The following HSDL2 variants were observed in gnomAD, a reference collection of about 807,000 sequenced individuals.
HSDL2 encodes the protein hydroxysteroid dehydrogenase like 2.
HSDL2 carries 27 observed loss-of-function variants against 46.3 expected under a neutral mutation model. The ratio of observed to expected loss-of-function variants is 0.58; its 90% CI spans 0.43 to 0.80. The LOEUF (loss-of-function observed/expected upper bound fraction) is 0.80, where lower values mean the gene tolerates loss of function less well. Ranked by LOEUF, HSDL2 falls within the 30% of genes least tolerant of loss-of-function variation. The probability of loss-of-function intolerance (pLI) is 0.00; values close to 1 mark genes in which losing one functional copy is unlikely to be tolerated. For synonymous variants in HSDL2, 153 were observed against 163.6 expected, an observed-to-expected ratio of 0.94 and a Z score of 0.50; for missense variants, 451 against 502.7, an observed-to-expected ratio of 0.90 and a Z score of 0.98.
intron 1 of HSDL2, among the ~76,000 whole-genome samples, chr9:112,402,486 A>C (rs887178788): frequency 6.7e-6 from 1 of 149,762 alleles, no homozygotes; most frequent in African/African-American, 2.5e-5. Context: ...TAAGCCCAGG[A>C]GTTCAAGGCT....
intron 9 of HSDL2, 46 bp downstream of exon 9, chr9:112,454,208 G>T: frequency 6.6e-7 from 1 of 1,525,194 alleles, no homozygotes; most frequent in Non-Finnish European, 8.9e-7. Context: ...AAACAAAATG[G>T]GGTGTTTCCT....
chr9:112,453,932 C>A, intron 8 of HSDL2, 81 bp from the exon 9 acceptor site: 1 of 1,288,530 alleles, frequency 7.8e-7, no homozygotes, highest in Non-Finnish European at 1.0e-6. Context: ...GGTGGCAAGT[C>A]TGTCCTGCTG....
intron 6 of HSDL2, among the ~76,000 whole-genome samples, chr9:112,422,090 A>C (rs1339880572): frequency 1.3e-5 from 2 of 152,194 alleles, no homozygotes; most frequent in African/African-American, 4.8e-5. Context: ...GAGACCTCAG[A>C]GACTTCTTCA....
intron 1 of HSDL2, among the ~76,000 whole-genome samples, chr9:112,397,435 C>G (rs1831482221): frequency 6.6e-6 from 1 of 152,164 alleles, no homozygotes; most frequent in African/African-American, 2.4e-5. Context: ...ATGAATTTTT[C>G]AACAGCATCT....
chr9:112,435,106 A>G (rs1832494366), intron 6 of HSDL2, among the ~76,000 whole-genome samples: 1 of 152,060 alleles, frequency 6.6e-6, no homozygotes, highest in South Asian at 2.1e-4. Flanking sequence ...ATCTGTGTTG[A>G]GAAATACTCA....
chr9:112,405,654 G>A lies in HSDL2; in HGVS notation c.212G>A (p.Cys71Tyr). 1.2e-6 allele frequency: 2 copies of A among 1,613,306 alleles called. No homozygotes were observed. Among genetic ancestry groups the A allele is most frequent in the Non-Finnish European group, 1.7e-6 (2 of 1,179,502 alleles). The change falls in exon 3 of 11, where the codon TGT (cysteine) becomes TAT (tyrosine). Residue 71 changes from cysteine (C) to tyrosine (Y), a missense_variant. Physicochemically the swap from Cys to Tyr is radical, Grantham distance 194. Transcript: ENST00000398805. Reference sequence around the variant, plus strand: ...GCAGTTGGAGGAAAGGCCTTGCCATGTATTGTTGATGTGAGAGATGAACAG... The same window carrying A: ...GCAGTTGGAGGAAAGGCCTTGCCATATATTGTTGATGTGAGAGATGAACAG... ...IEAVGGKALPCIVDVRDEQQI... is the reference protein window; with the variant it reads ...IEAVGGKALPYIVDVRDEQQI...
In HSDL2 at chr9:112,470,438, T is replaced by G. The variant is rs753460796; in HGVS notation, c.1151T>G (p.Leu384Arg). Residue 384 changes from leucine to arginine, a missense_variant, in exon 11 of 11, where the codon CTA (leucine) becomes CGA (arginine). Physicochemically the swap from Leu to Arg is moderately radical, Grantham distance 102 (BLOSUM62 -2). Coordinates refer to ENST00000398805, the MANE Select transcript of HSDL2 (RefSeq NM_032303.5). ...TCTCATTTTCTCATTTTAGGGAAAC[T>G]AAAACCAACAATGGCATTCATGTCA... ...DDFVKMFSGK[L>R]KPTMAFMSGK... The G allele has an allele frequency of 9.3e-6, 15 of 1,607,242 alleles. No individual in the cohort carries two copies. Among genetic ancestry groups the G allele is most frequent in the Admixed American group, 8.4e-5 (5 of 59,496 alleles).
chr9:112,428,482 T>C lies in HSDL2; in HGVS notation c.598+9524T>C, dbSNP rs1054814259. ...CTTCTTCAATATTTCTCAAACTATA[T>C]GTCAAGACTCGTTGGTGAGGCATGA... On this transcript the variant is annotated intron_variant, in intron 6 of 10. Coordinates refer to ENST00000398805, the MANE Select transcript of HSDL2 (RefSeq NM_032303.5). Among the ~76,000 whole-genome samples, 5 of 152,258 alleles carry C rather than the reference T, an allele frequency of 3.3e-5. 1 individual carries two copies. The highest frequency in any genetic ancestry group is 2.0e-4 in the Admixed American group (3 of 15,288).
chr9:112,442,852 T>G (rs1185449702), intron 8 of HSDL2, among the ~76,000 whole-genome samples: 1 of 152,166 alleles, frequency 6.6e-6, no homozygotes, highest in African/African-American at 2.4e-5. Flanking sequence ...AAACCTTATT[T>G]CCAGCTTTCT....
intron 8 of HSDL2, among the ~76,000 whole-genome samples, chr9:112,453,263 G>C (rs1832931261): frequency 6.6e-6 from 1 of 152,158 alleles, no homozygotes; most frequent in Non-Finnish European, 1.5e-5. Flanking sequence ...TTCCACAGCT[G>C]ATATTTTGAT....
chr9:112,409,171 A>AGTATT (rs1231130152), intron 4 of HSDL2, 150 bp downstream of exon 4: 5 of 421,022 alleles, frequency 1.2e-5, no homozygotes, highest in Admixed American at 4.3e-5. Context: ...TTCAGTCAAT[A>AGTATT]GTATTTTATT....
At chr9:112,433,286 G>T (rs977008190) in intron 6 of HSDL2, among the ~76,000 whole-genome samples, 1 of 152,188 alleles carries the variant, frequency 6.6e-6, no homozygotes, top group Non-Finnish European at 1.5e-5. Context: ...TACAAGGTTG[G>T]TGTATGTATG....
At chr9:112,439,639 G>A (rs1034651658) in intron 7 of HSDL2, among the ~76,000 whole-genome samples, 4 of 152,258 alleles carry the variant, frequency 2.6e-5, no homozygotes, top group East Asian at 1.9e-4. Flanking sequence ...CACAAACCAC[G>A]TTTATATTTG....
At chr9:112,442,554 G>A (rs551678753) in intron 8 of HSDL2, among the ~76,000 whole-genome samples, 3 of 152,212 alleles carry the variant, frequency 2.0e-5, no homozygotes, top group East Asian at 3.9e-4. Context: ...ATAAACAATA[G>A]TGCCCTTGAA....
intron 6 of HSDL2, 24 bp from the exon 7 acceptor site, chr9:112,438,407 T>A: frequency 7.4e-7 from 1 of 1,352,664 alleles, no homozygotes; most frequent in Non-Finnish European, 1.0e-6. Context: ...TATGAGTGTA[T>A]GTGTGTGTGT....
At chr9:112,412,526 A>G (rs1157259324) in intron 4 of HSDL2, among the ~76,000 whole-genome samples, 1 of 152,254 alleles carries the variant, frequency 6.6e-6, no homozygotes, top group Non-Finnish European at 1.5e-5. Flanking sequence ...AACAAAGTTA[A>G]AAATATACGT....
intron 1 of HSDL2, among the ~76,000 whole-genome samples, chr9:112,399,419 GT>G (rs1414915887): frequency 6.6e-6 from 1 of 152,204 alleles, no homozygotes; most frequent in African/African-American, 2.4e-5. Flanking sequence ...AAGGATCTAT[GT>G]TCAGTGGTGC....
At chr9:112,396,953 G>C (rs1831470535) in intron 1 of HSDL2, among the ~76,000 whole-genome samples, 1 of 152,094 alleles carries the variant, frequency 6.6e-6, no homozygotes, top group Non-Finnish European at 1.5e-5. Flanking sequence ...TTTCATATTG[G>C]GGCCTGAGAC....
chr9:112,467,762 G>A (rs371518979), intron 10 of HSDL2, among the ~76,000 whole-genome samples: 57 of 152,208 alleles, frequency 3.7e-4, no homozygotes, highest in African/African-American at 1.2e-3. Flanking sequence ...AGTTTTCTAC[G>A]TTGTCAAATG....
Sources: allele counts gnomAD v4.1 joint callset (sites outside exome capture counted in the v4.1 genomes callset), GRCh38; gene constraint gnomAD v4.1.1; transcripts MANE v1.5; gene names NCBI Gene and HGNC (gene_info 2026-07-23, HGNC 2026-07-21).